CUL1: variants seen among roughly 807,000 people sequenced by gnomAD.
CUL1 encodes cullin-1.
CUL1 carries 24 observed loss-of-function variants against 118.0 expected under a neutral mutation model. That is an observed-to-expected ratio of 0.20 (90% CI 0.15 to 0.29). CUL1 has a LOEUF of 0.29. Ranked by LOEUF, CUL1 falls within the 10% of genes least tolerant of loss-of-function variation. CUL1 has a pLI of 1.00. For synonymous variants in CUL1, 332 were observed against 340.4 expected, an observed-to-expected ratio of 0.98 and a Z score of 0.27; for missense variants, 361 against 933.8, an observed-to-expected ratio of 0.39 and a Z score of 7.99.
At chr7:148,752,773 C>A (rs1460831811) in intron 2 of CUL1, among the ~76,000 whole-genome samples, 1 of 152,118 alleles carries the variant, frequency 6.6e-6, no homozygotes, top group African/African-American at 2.4e-5. Flanking sequence ...CTCAGCCTCC[C>A]GAGTAGCTGG....
chr7:148,774,243 G>A (rs532641495), intron 9 of CUL1, among the ~76,000 whole-genome samples: 13 of 152,170 alleles, frequency 8.5e-5, no homozygotes, highest in South Asian at 2.1e-4. Context: ...GGGTACGATC[G>A]GCTAGTAACT....
chr7:148,724,457 G>A (rs1195505902), intron 1 of CUL1, among the ~76,000 whole-genome samples: 1 of 152,224 alleles, frequency 6.6e-6, no homozygotes, highest in African/African-American at 2.4e-5. Flanking sequence ...CTGCACGCGT[G>A]TGTGTCTGTG....
At chr7:148,770,888 A>G (rs999949839) in intron 9 of CUL1, among the ~76,000 whole-genome samples, 1 of 152,258 alleles carries the variant, frequency 6.6e-6, no homozygotes, top group Non-Finnish European at 1.5e-5. Context: ...TCAAAAACCC[A>G]CTGATTATGA....
At chr7:148,704,105 T>C (rs534848817) in intron 1 of CUL1, among the ~76,000 whole-genome samples, 21 of 152,148 alleles carry the variant, frequency 1.4e-4, no homozygotes, top group Admixed American at 3.3e-4. Flanking sequence ...ACAAGCAAAT[T>C]TACTTTCCTT....
chr7:148,731,285 G>A (rs1033556714), intron 2 of CUL1, among the ~76,000 whole-genome samples: 4 of 152,144 alleles, frequency 2.6e-5, no homozygotes, highest in African/African-American at 9.7e-5. Context: ...GGACTTTAAA[G>A]TTGCTGATTC....
At chr7:148,705,452 G>C (rs13224923) in intron 1 of CUL1, among the ~76,000 whole-genome samples, 2,371 of 152,310 alleles carry the variant, frequency 0.016, 33 homozygotes, top group Non-Finnish European at 0.023. Flanking sequence ...ATGCTAAATA[G>C]TACAAATGAG....
intron 2 of CUL1, among the ~76,000 whole-genome samples, chr7:148,742,096 A>G (rs1025104017): frequency 7.9e-5 from 12 of 152,062 alleles, no homozygotes. Flanking sequence ...TTGAAATTCT[A>G]TATGTATTTT....
chr7:148,706,254 A>G (rs1195676031), intron 1 of CUL1, among the ~76,000 whole-genome samples: 1 of 152,218 alleles, frequency 6.6e-6, no homozygotes, highest in Non-Finnish European at 1.5e-5. Context: ...CATTTCAGAT[A>G]AAGGATACTC....
intron 1 of CUL1, among the ~76,000 whole-genome samples, chr7:148,722,973 C>CT (rs768448988): frequency 2.0e-5 from 3 of 152,238 alleles, no homozygotes; most frequent in Non-Finnish European, 4.4e-5. Context: ...GGTCGTCTGT[C>CT]TTTTCTGTCC....
rs986522339 is a variant in CUL1 at position 148,743,516 on chromosome 7, A to G, written c.141-10460A>G. ...ATACAGATCATCCAAGTTGTGATTGATATTTTTCCTATGGTCTAGTTGCTG... is the reference window on the plus strand; with the variant it reads ...ATACAGATCATCCAAGTTGTGATTGGTATTTTTCCTATGGTCTAGTTGCTG... On this transcript the variant is annotated intron_variant, in intron 2 of 21. Coordinates refer to ENST00000325222, the MANE Select transcript of CUL1 (RefSeq NM_003592.3). Among the ~76,000 whole-genome samples, 10 of 152,182 alleles carry G rather than the reference A, an allele frequency of 6.6e-5. No homozygotes were observed. In the East Asian group the frequency reaches 1.7e-3, roughly 26 times the overall value.
intron 2 of CUL1, among the ~76,000 whole-genome samples, chr7:148,736,703 C>T (rs1798955129): frequency 6.6e-6 from 1 of 152,174 alleles, no homozygotes; most frequent in Admixed American, 6.5e-5. Context: ...CAAGGCTCTT[C>T]AGCATATTTT....
At chr7:148,725,416 A>G (rs1584770406) in intron 1 of CUL1, among the ~76,000 whole-genome samples, 1 of 152,106 alleles carries the variant, frequency 6.6e-6, no homozygotes, top group African/African-American at 2.4e-5. Context: ...ACCGGGCTGC[A>G]CCCTTCTCAG....
intron 2 of CUL1, among the ~76,000 whole-genome samples, chr7:148,739,462 C>G (rs1370554186): frequency 6.6e-6 from 1 of 152,168 alleles, no homozygotes; most frequent in Non-Finnish European, 1.5e-5. Context: ...CCGGGGGCAC[C>G]TCTCGGGCTG....
chr7:148,729,179 T>G (rs243516), intron 1 of CUL1, among the ~76,000 whole-genome samples: 68,111 of 152,046 alleles, frequency 0.45, 16,225 homozygotes, highest in African/African-American at 0.62. Flanking sequence ...TTTGTCATTA[T>G]CTTCATATAC....
At chr7:148,703,161 A>G (rs1177396644) in intron 1 of CUL1, among the ~76,000 whole-genome samples, 1 of 152,250 alleles carries the variant, frequency 6.6e-6, no homozygotes, top group Non-Finnish European at 1.5e-5. Context: ...AGAGATTAAA[A>G]TGAAAATGCT....
At chr7:148,785,919 T>C (rs555611574) in intron 11 of CUL1, among the ~76,000 whole-genome samples, 1 of 152,318 alleles carries the variant, frequency 6.6e-6, no homozygotes, top group East Asian at 1.9e-4. Context: ...GAGACACCTC[T>C]TCAGAGTTTC....
chr7:148,773,760 C>T (rs180747952), intron 9 of CUL1, among the ~76,000 whole-genome samples: 1 of 152,262 alleles, frequency 6.6e-6, no homozygotes, highest in African/African-American at 2.4e-5. Flanking sequence ...TTTTTTCTAC[C>T]TGTGAAATAC....
At chr7:148,750,623 C>T (rs1313790172) in intron 2 of CUL1, among the ~76,000 whole-genome samples, 2 of 152,110 alleles carry the variant, frequency 1.3e-5, no homozygotes, top group Admixed American at 1.3e-4. Context: ...TGGTAAAGAA[C>T]ATGAACTCAT....
intron 1 of CUL1, among the ~76,000 whole-genome samples, chr7:148,725,188 T>TG (rs1401831701): frequency 6.0e-5 from 8 of 132,924 alleles, no homozygotes; most frequent in African/African-American, 2.2e-4. Flanking sequence ...GCAGCGCACA[T>TG]GCGCGCGTGT....
Sources: allele counts gnomAD v4.1 joint callset (sites outside exome capture counted in the v4.1 genomes callset), GRCh38; gene constraint gnomAD v4.1.1; transcripts MANE v1.5; gene names NCBI Gene and HGNC (gene_info 2026-07-23, HGNC 2026-07-21).